The following SLC13A3 variants were observed in gnomAD, a reference collection of about 807,000 sequenced individuals.
The protein encoded by SLC13A3 is solute carrier family 13 member 3.
A neutral mutation model predicts 59.0 loss-of-function variants in SLC13A3; 40 were observed. The observed-to-expected ratio is 0.68, with a 90% CI of 0.53 to 0.88. The LOEUF (loss-of-function observed/expected upper bound fraction) is 0.88, where lower values mean the gene tolerates loss of function less well. Among genes scored for constraint, SLC13A3 ranks in the 40% least tolerant of loss-of-function variants. SLC13A3 has a pLI of 0.00. For missense variants in SLC13A3, 699 were observed against 783.2 expected (o/e 0.89, Z 1.28); for synonymous variants, 317 against 330.3 (o/e 0.96, Z 0.44).
At chr20:46,626,236 TTC>T (rs2062670336) in intron 1 of SLC13A3, among the ~76,000 whole-genome samples, 2 of 145,942 alleles carry the variant, frequency 1.4e-5, no homozygotes, top group African/African-American at 2.5e-5. Flanking sequence ...CCCCCTCCTT[TTC>T]TCTTTCCTTC....
chr20:46,648,594 C>G (rs2062918384), intron 1 of SLC13A3, among the ~76,000 whole-genome samples: 1 of 152,096 alleles, frequency 6.6e-6, no homozygotes, highest in African/African-American at 2.4e-5. Flanking sequence ...TGAATTATAA[C>G]TAAGAAGAGC....
intron 9 of SLC13A3, among the ~76,000 whole-genome samples, chr20:46,579,609 C>T (rs6124817): frequency 0.45 from 68,875 of 152,062 alleles, 16,785 homozygotes; most frequent in East Asian, 0.87. Flanking sequence ...AGTTCCCTCC[C>T]CACCCACTGG....
chr20:46,589,498 G>A (rs1251927534), intron 6 of SLC13A3, among the ~76,000 whole-genome samples: 1 of 152,176 alleles, frequency 6.6e-6, no homozygotes, highest in Non-Finnish European at 1.5e-5. Flanking sequence ...CCATGAGTGG[G>A]TCAAACAGGC....
At chr20:46,587,176 T>C (rs77590065) in intron 8 of SLC13A3, among the ~76,000 whole-genome samples, 3,658 of 152,304 alleles carry the variant, frequency 0.024, 159 homozygotes, top group African/African-American at 0.084. Context: ...TCCTAATGAA[T>C]ATAGCTAACA....
At chr20:46,561,190 C>T (rs1416151064) in intron 12 of SLC13A3, among the ~76,000 whole-genome samples, 1 of 152,184 alleles carries the variant, frequency 6.6e-6, no homozygotes, top group African/African-American at 2.4e-5. Flanking sequence ...GACCTGGTAG[C>T]CCCCTGCCCT....
chr20:46,625,178 CAAT>C (rs1236056003), intron 1 of SLC13A3, among the ~76,000 whole-genome samples: 3 of 152,208 alleles, frequency 2.0e-5, no homozygotes, highest in Non-Finnish European at 2.9e-5. Flanking sequence ...ACTCAGGAGA[CAAT>C]AATCTCTCTT....
chr20:46,575,780 G>A, intron 9 of SLC13A3, 95 bp from the exon 10 acceptor site: 1 of 650,402 alleles, frequency 1.5e-6, no homozygotes, highest in Non-Finnish European at 2.5e-6. Flanking sequence ...GGACACTCAG[G>A]GGTCCCCAGG....
intron 1 of SLC13A3, among the ~76,000 whole-genome samples, chr20:46,640,157 A>G (rs1486357198): frequency 6.6e-6 from 1 of 152,286 alleles, no homozygotes. Context: ...AGGAGAGTGC[A>G]AGAATAAGGC....
chr20:46,588,107 G>A lies in SLC13A3; in HGVS notation c.1073C>T (p.Thr358Ile). 6.2e-7 allele frequency: 1 copy of A among 1,613,296 alleles called. No homozygotes were observed. Among genetic ancestry groups the A allele is most frequent in the Non-Finnish European group, 8.5e-7 (1 of 1,179,534 alleles). The change falls in exon 8 of 13, where the codon ACC becomes ATC. Residue 358 changes from threonine (T) to isoleucine (I), a missense_variant. Thr to Ile is a moderately conservative substitution (Grantham distance 89). Coordinates refer to ENST00000279027, the MANE Select transcript of SLC13A3 (RefSeq NM_022829.6). Reference protein sequence around the residue: ...LFCMFAILLFTRDPKFIPGWA... With the variant: ...LFCMFAILLFIRDPKFIPGWA... The stretch of plus-strand genomic sequence containing the variant: ...GCCAGGGATGAACTTCGGGTCCCGG[G>A]TGAAGAGGAGGATGGCAAACATGCA...
chr20:46,616,198 A>G (rs2062552421), intron 1 of SLC13A3, among the ~76,000 whole-genome samples: 1 of 152,242 alleles, frequency 6.6e-6, no homozygotes, highest in African/African-American at 2.4e-5. Context: ...GAGAATCACA[A>G]GACCAGAGTC....
rs148298365 is a variant in SLC13A3 at position 46,579,889 on chromosome 20, G to A, written c.1219+3683C>T. Among the ~76,000 whole-genome samples, 405 of 152,120 alleles carry A rather than the reference G, an allele frequency of 2.7e-3. 1 individual carries two copies. Among genetic ancestry groups the A allele is most frequent in the Middle Eastern group, 6.8e-3 (2 of 292 alleles). On this transcript the variant is annotated intron_variant, in intron 9 of 12. Coordinates refer to ENST00000279027, the MANE Select transcript of SLC13A3 (RefSeq NM_022829.6). ...AATCAGTGGAAGCTAAGTAATATCC[G>A]TCCCCTTTAATTTAAGTGGGGATTG...
At chr20:46,646,868 C>T (rs2062899792) in intron 1 of SLC13A3, among the ~76,000 whole-genome samples, 1 of 152,032 alleles carries the variant, frequency 6.6e-6, no homozygotes. Context: ...AATGACTTGC[C>T]CAGCAAGTAT....
intron 1 of SLC13A3, among the ~76,000 whole-genome samples, chr20:46,643,225 G>A (rs1248907138): frequency 6.6e-6 from 1 of 151,374 alleles, no homozygotes; most frequent in Admixed American, 6.6e-5. Context: ...TATAGATAAT[G>A]CACCAGCAGA....
At chr20:46,566,838 A>AAT (rs1266941989) in intron 10 of SLC13A3, among the ~76,000 whole-genome samples, 4 of 150,224 alleles carry the variant, frequency 2.7e-5, no homozygotes, top group Non-Finnish European at 5.9e-5. Context: ...ATATGTATGA[A>AAT]ATATATATAC....
At chr20:46,629,668 T>G (rs529691215) in intron 1 of SLC13A3, among the ~76,000 whole-genome samples, 1 of 152,344 alleles carries the variant, frequency 6.6e-6, no homozygotes, top group East Asian at 1.9e-4. Context: ...TTGCTCTGTC[T>G]GATACAGCCT....
chr20:46,575,832 G>C (rs1250167338), intron 9 of SLC13A3, 147 bp from the exon 10 acceptor site: 4 of 500,900 alleles, frequency 8.0e-6, no homozygotes, highest in Non-Finnish European at 1.4e-5. Context: ...GAGCTTTAGG[G>C]AGAGAGTGCA....
chr20:46,658,171 T>C (rs2063005697), intron 1 of SLC13A3, among the ~76,000 whole-genome samples: 2 of 151,870 alleles, frequency 1.3e-5, no homozygotes, highest in African/African-American at 4.8e-5. Context: ...GGTAGTTACT[T>C]TGGAATACTG....
intron 4 of SLC13A3, among the ~76,000 whole-genome samples, chr20:46,598,656 G>A (rs767793290): frequency 6.6e-6 from 1 of 152,134 alleles, no homozygotes; most frequent in Non-Finnish European, 1.5e-5. Flanking sequence ...TGCCAAGAGG[G>A]AGCACAGGCT....
At chr20:46,610,359 C>G (rs1043301227) in intron 3 of SLC13A3, 87 bp downstream of exon 3, 1 of 1,369,910 alleles carries the variant, frequency 7.3e-7, no homozygotes, top group African/African-American at 1.4e-5. Flanking sequence ...TGTGCATGCC[C>G]TTGGCCTTCC....
Sources: gnomAD v4.1 joint callset for allele counts (sites outside exome capture counted in the v4.1 genomes callset) on GRCh38, gnomAD v4.1.1 for gene constraint, MANE v1.5 for transcripts, NCBI Gene and HGNC (gene_info 2026-07-23, HGNC 2026-07-21) for gene names.